The following ST14 variants were observed in gnomAD, a reference collection of about 807,000 sequenced individuals.
ST14 encodes the protein suppressor of tumorigenicity 14 protein.
A neutral mutation model predicts 96.5 loss-of-function variants in ST14; 40 were observed. The ratio of observed to expected loss-of-function variants is 0.41; its 90% CI spans 0.32 to 0.54. The LOEUF is 0.54. ST14 is among the 20% of genes least tolerant of loss of function. ST14 has a pLI of 0.17. For synonymous variants in ST14, 506 were observed against 492.1 expected (o/e 1.03, Z -0.37); for missense variants, 1,066 against 1,188.9 (o/e 0.90, Z 1.52).
At chr11:130,160,193 C>G (rs1250158939) in intron 1 of ST14, 133 bp downstream of exon 1, 2 of 594,552 alleles carry the variant, frequency 3.4e-6, no homozygotes, top group East Asian at 7.5e-5. Flanking sequence ...GTGGAATTTC[C>G]TGTTCAGCGG....
chr11:130,162,021 T>A (rs1212610822), intron 1 of ST14, among the ~76,000 whole-genome samples: 1 of 152,206 alleles, frequency 6.6e-6, no homozygotes, highest in Non-Finnish European at 1.5e-5. Flanking sequence ...AGTGTGTGTT[T>A]GCAGCTAGGA....
In ST14 at chr11:130,187,122, G is replaced by A. The variant is rs1953244875; in HGVS notation, c.82-992G>A. Among the ~76,000 whole-genome samples the A allele has an allele frequency of 6.6e-6, 1 of 152,194 alleles. No homozygotes were observed. The highest frequency in any genetic ancestry group is 1.5e-5 in the Non-Finnish European group (1 of 68,034). On this transcript the variant is annotated intron_variant, in intron 1 of 18. Coordinates refer to ENST00000278742, the MANE Select transcript of ST14 (RefSeq NM_021978.4). This position sits in a 1 kb window ranked among gnomAD's most constrained non-coding sequence, Gnocchi z 4.5. ...GAATGACATCAGGAAACTGTCAAAA[G>A]GGCCAACACCTGTGGGTGTGGGATG...
intron 7 of ST14, among the ~76,000 whole-genome samples, chr11:130,191,768 A>C (rs981827487): frequency 8.6e-5 from 13 of 151,774 alleles, no homozygotes; most frequent in African/African-American, 2.7e-4. Context: ...GAGGTTTAGA[A>C]CTGGCTTGTT....
At chr11:130,195,805 A>T (rs1167327148) in intron 9 of ST14, among the ~76,000 whole-genome samples, 28 of 151,148 alleles carry the variant, frequency 1.9e-4, no homozygotes, top group African/African-American at 5.6e-4. Context: ...GTGAGCTGAG[A>T]TCTTGCCACT....
intron 9 of ST14, 142 bp downstream of exon 9, chr11:130,194,879 T>G: frequency 1.2e-6 from 1 of 804,090 alleles, no homozygotes; most frequent in Non-Finnish European, 2.1e-6. Context: ...TGTGTGTGCG[T>G]ATGTGTGTGT....
At chr11:130,180,891 G>T (rs545028773) in intron 1 of ST14, among the ~76,000 whole-genome samples, 1 of 152,290 alleles carries the variant, frequency 6.6e-6, no homozygotes, top group African/African-American at 2.4e-5. Context: ...AGTTGCTCTA[G>T]TGTGCCTCAG....
At chr11:130,202,989 C>T (rs934378130) in intron 16 of ST14, among the ~76,000 whole-genome samples, 9 of 152,226 alleles carry the variant, frequency 5.9e-5, no homozygotes, top group Non-Finnish European at 1.5e-5. Context: ...TCTTCACAAT[C>T]AGTCTCTCAG....
intron 15 of ST14, among the ~76,000 whole-genome samples, chr11:130,199,386 A>G (rs965368897): frequency 3.9e-5 from 6 of 152,090 alleles, no homozygotes; most frequent in Admixed American, 6.5e-5. Context: ...CCTGGAGAAG[A>G]GCGGCCCAGC....
Position 130,197,865 on chromosome 11 carries a change from G to C in ST14, c.1379G>C (p.Arg460Pro). 6.3e-7 allele frequency: 1 copy of C among 1,588,386 alleles called. No homozygotes were observed. The highest frequency in any genetic ancestry group is 8.5e-7 in the Non-Finnish European group (1 of 1,171,016). Reference sequence around the variant, plus strand: ...GCATGCCCGGGGCAGTTCACGTGCCGCACGGGGCGGTGTATCCGGAAGGAG... The same window carrying C: ...GCATGCCCGGGGCAGTTCACGTGCCCCACGGGGCGGTGTATCCGGAAGGAG... ...SDPCPGQFTCRTGRCIRKELR... is the reference protein window; with the variant it reads ...SDPCPGQFTCPTGRCIRKELR... The change falls in exon 12 of 19, where the codon CGC (arginine) becomes CCC (proline). Residue 460 changes from arginine to proline, a missense_variant. Physicochemically the swap from Arg to Pro is moderately radical, Grantham distance 103 (BLOSUM62 -2). Coordinates refer to ENST00000278742, the MANE Select transcript of ST14 (RefSeq NM_021978.4).
intron 1 of ST14, among the ~76,000 whole-genome samples, chr11:130,166,633 T>C (rs138541208): frequency 1.1e-4 from 16 of 152,334 alleles, no homozygotes; most frequent in Middle Eastern, 3.4e-3. Context: ...CTGGACAGAC[T>C]GTCTGATAGG....
chr11:130,203,660 CTTTT>C (rs1015999915), intron 16 of ST14, among the ~76,000 whole-genome samples: 1 of 151,622 alleles, frequency 6.6e-6, no homozygotes, highest in African/African-American at 2.4e-5. Context: ...GCTCTTTTTT[CTTTT>C]TTTTTGAGAC....
chr11:130,192,133 G>T lies in ST14; in HGVS notation c.875+1439G>T, dbSNP rs1261030390. Among the ~76,000 whole-genome samples, 9 of 152,206 alleles carry T rather than the reference G, an allele frequency of 5.9e-5. No individual in the cohort carries two copies. In the East Asian group the frequency reaches 1.7e-3, roughly 29 times the overall value. ...TGGGTGAGCCGCCTCTCCTGCACTC[G>T]CTGGGCCAGAGCCTTCCGTGGCTGT... On this transcript the variant is annotated intron_variant, in intron 7 of 18. Transcript: ENST00000278742.
intron 1 of ST14, among the ~76,000 whole-genome samples, chr11:130,161,792 C>T (rs192288563): frequency 1.3e-5 from 2 of 152,216 alleles, no homozygotes; most frequent in Admixed American, 6.5e-5. Context: ...AACTCAGTAC[C>T]TAGTCCCATG....
chr11:130,194,734 T>C lies in ST14; in HGVS notation c.1110T>C (p.Ile370=). ...CCAACATTGACTGCACATGGAACATTGAGGTAGGAGCTATGGGGCGTGTGA... is the reference window on the plus strand; with the variant it reads ...CCAACATTGACTGCACATGGAACATCGAGGTAGGAGCTATGGGGCGTGTGA... ...YPPNIDCTWN[I]EVPNNQHVKV... Residue 370 remains isoleucine (I), a synonymous_variant, in exon 9 of 19, where the codon ATT becomes ATC. Coordinates refer to ENST00000278742, the MANE Select transcript of ST14 (RefSeq NM_021978.4). The C allele has an allele frequency of 6.2e-7, 1 of 1,613,964 alleles. No homozygotes were observed. Among genetic ancestry groups the C allele is most frequent in the African/African-American group, 1.3e-5 (1 of 74,990 alleles).
intron 12 of ST14, 99 bp downstream of exon 12, chr11:130,198,044 G>A: frequency 7.8e-7 from 1 of 1,288,376 alleles, no homozygotes. Flanking sequence ...AAAGGCCGGA[G>A]GTGGTGGGAG....
Position 130,196,614 on chromosome 11 carries a change from A to G in ST14, c.1268A>G (p.Asn423Ser). 1 of 1,614,072 alleles carries G rather than the reference A, an allele frequency of 6.2e-7. No individual in the cohort carries two copies. The highest frequency in any genetic ancestry group is 8.5e-7 in the Non-Finnish European group (1 of 1,180,014). The change falls in exon 11 of 19, where the codon AAC becomes AGC. Residue 423 changes from asparagine (N) to serine (S), a missense_variant. Transcript: ENST00000278742. Reference sequence around the variant, plus strand: ...CAGTTCGTCGTCACCAGCAACAGCAACAAGATCACAGTTCGCTTCCACTCA... The same window carrying G: ...CAGTTCGTCGTCACCAGCAACAGCAGCAAGATCACAGTTCGCTTCCACTCA... The part of the protein sequence containing the change: ...RSQFVVTSNS[N>S]KITVRFHSDQ...
intron 16 of ST14, 131 bp from the exon 17 acceptor site, chr11:130,208,279 C>T: frequency 1.5e-6 from 2 of 1,294,660 alleles, no homozygotes; most frequent in Non-Finnish European, 2.2e-6. Context: ...AAGTAAGAGC[C>T]GGCCCCATCG....
Position 130,190,240 on chromosome 11 carries a change from C to T in ST14, c.634+92C>T, listed in dbSNP as rs1953282926. 4 of 1,538,638 alleles carry T rather than the reference C, an allele frequency of 2.6e-6. No homozygotes were observed. In the Admixed American group the frequency reaches 6.7e-5, roughly 26 times the overall value. On this transcript the variant is annotated intron_variant, in intron 6 of 18. Coordinates refer to ENST00000278742, the MANE Select transcript of ST14 (RefSeq NM_021978.4). ...CCAGTGGGGTCCCCAGAAGCATGTC[C>T]CTCTGAATGAAGTATATTATGACGA...
At chr11:130,186,661 C>A (rs1466226136) in intron 1 of ST14, among the ~76,000 whole-genome samples, 1 of 152,046 alleles carries the variant, frequency 6.6e-6, no homozygotes, top group Non-Finnish European at 1.5e-5. Flanking sequence ...TTTTCACAGG[C>A]TAATAATGAA....
Sources: allele counts gnomAD v4.1 joint callset (sites outside exome capture counted in the v4.1 genomes callset), GRCh38; gene constraint gnomAD v4.1.1; non-coding constraint Gnocchi (gnomAD v3.1); transcripts MANE v1.5; gene names NCBI Gene and HGNC (gene_info 2026-07-23, HGNC 2026-07-21).